NHERF2: variants seen among roughly 807,000 people sequenced by gnomAD.
NHERF2 encodes the protein Na(+)/H(+) exchange regulatory cofactor NHE-RF2.
chr16:2,036,050 G>A, the NHERF2 span: 14 of 469,780 alleles, frequency 3.0e-5, no homozygotes, highest in East Asian at 2.4e-4. Flanking sequence ...TGTGCGCCAC[G>A]CTGGCCTCGA....
At chr16:2,032,993 C>G in the NHERF2 span, 1 of 1,142,388 alleles carries the variant, frequency 8.8e-7, no homozygotes. The surrounding 1 kb of genome is among the most constrained non-coding windows in gnomAD (Gnocchi z 4.0). Context: ...CCGGGCTTCC[C>G]TGGCTCTTGC....
chr16:2,032,023 T>C, the NHERF2 span, among the ~76,000 whole-genome samples: 1 of 98,166 alleles, frequency 1.0e-5, no homozygotes, highest in East Asian at 2.1e-4. This position sits in a 1 kb window ranked among gnomAD's most constrained non-coding sequence, Gnocchi z 4.0. Flanking sequence ...TCTTTCTTTC[T>C]TTTTTTTTTT....
At chr16:2,029,804 G>C in the NHERF2 span, 2 of 1,536,858 alleles carry the variant, frequency 1.3e-6, no homozygotes, top group African/African-American at 2.7e-5. Flanking sequence ...TTGGCCCACA[G>C]GGACCACCCT....
At chr16:2,038,075 T>G in the NHERF2 span, 10 of 1,475,482 alleles carry the variant, frequency 6.8e-6, no homozygotes, top group African/African-American at 1.4e-5. Flanking sequence ...CTCAGTGGAC[T>G]GGAGGGTGGT....
the NHERF2 span, chr16:2,033,337 C>T: frequency 5.9e-6 from 9 of 1,533,142 alleles, no homozygotes; most frequent in Non-Finnish European, 7.0e-6. Context: ...CACTTGCTGT[C>T]ACTGTGCCGC....
At chr16:2,027,110 C>T in the NHERF2 span, 1 of 1,467,316 alleles carries the variant, frequency 6.8e-7, no homozygotes, top group Non-Finnish European at 9.0e-7. Flanking sequence ...GCGGGCAGTT[C>T]ATCCGGCGCG....
the NHERF2 span, among the ~76,000 whole-genome samples, chr16:2,029,144 A>T: frequency 5.9e-5 from 9 of 152,084 alleles, no homozygotes; most frequent in Non-Finnish European, 1.0e-4. Flanking sequence ...AGGGAGACAC[A>T]CCTCTCCTTC....
the NHERF2 span, among the ~76,000 whole-genome samples, chr16:2,031,251 C>T: frequency 8.1e-4 from 124 of 152,306 alleles, no homozygotes; most frequent in African/African-American, 2.9e-3. Context: ...TGAGGGCGGG[C>T]CACAGTGGTG....
the NHERF2 span, chr16:2,038,090 C>A: frequency 7.2e-7 from 1 of 1,395,578 alleles, no homozygotes; most frequent in Non-Finnish European, 9.8e-7. Flanking sequence ...GGTGGTCCTG[C>A]CATTGCCCAG....
At chr16:2,031,664 CA>C in the NHERF2 span, among the ~76,000 whole-genome samples, 1 of 152,120 alleles carries the variant, frequency 6.6e-6, no homozygotes. Flanking sequence ...TGGCTGGGGA[CA>C]GGGGCTCCAG....
chr16:2,036,848 C>T, the NHERF2 span: 2 of 1,612,330 alleles, frequency 1.2e-6, no homozygotes, highest in Admixed American at 3.3e-5. Context: ...CTTCAAGCGG[C>T]TTCGGGTCAC....
the NHERF2 span, among the ~76,000 whole-genome samples, chr16:2,027,431 A>G: frequency 1.3e-5 from 2 of 152,144 alleles, no homozygotes; most frequent in African/African-American, 4.8e-5. Flanking sequence ...AGGGGCCCGC[A>G]CTGCGGCTCC....
At chr16:2,035,268 C>T in the NHERF2 span, 50 of 370,912 alleles carry the variant, frequency 1.3e-4, no homozygotes, top group East Asian at 3.3e-4. Flanking sequence ...CTGACATGGC[C>T]GTTTCTGGTC....
At chr16:2,036,279 C>T in the NHERF2 span, 27 of 1,540,728 alleles carry the variant, frequency 1.8e-5, no homozygotes, top group African/African-American at 1.2e-4. Flanking sequence ...CCTCTGGAGG[C>T]GGGAGGCTGG....
the NHERF2 span, chr16:2,027,073 T>G: frequency 4.8e-6 from 7 of 1,447,776 alleles, no homozygotes; most frequent in Non-Finnish European, 6.4e-6. Flanking sequence ...GGCTACGGCT[T>G]CCACCTGCAC....
At chr16:2,032,921 TGAGGGGTGAC>T in the NHERF2 span, 1 of 1,071,770 alleles carries the variant, frequency 9.3e-7, no homozygotes, top group Admixed American at 5.0e-5. The surrounding 1 kb of genome is among the most constrained non-coding windows in gnomAD (Gnocchi z 4.0). Context: ...AGAGCAGGTG[TGAGGGGTGAC>T]AGTTCTGCGG....
At chr16:2,027,263 C>A in the NHERF2 span, 1 of 1,193,266 alleles carries the variant, frequency 8.4e-7, no homozygotes, top group South Asian at 2.7e-5. Flanking sequence ...CCTCCCCGAG[C>A]GCGTCCCCCT....
At chr16:2,037,861 G>A in the NHERF2 span, 3 of 1,601,140 alleles carry the variant, frequency 1.9e-6, no homozygotes, top group East Asian at 2.3e-5. Context: ...CCTTCCAGGA[G>A]AGCGGCCTCC....
chr16:2,031,482 G>A, the NHERF2 span, among the ~76,000 whole-genome samples: 2 of 152,194 alleles, frequency 1.3e-5, no homozygotes, highest in African/African-American at 4.8e-5. Context: ...TCCGGCCCTC[G>A]GACTTTATCT....
Sources: gnomAD v4.1 joint callset for allele counts (sites outside exome capture counted in the v4.1 genomes callset) on GRCh38, gnomAD v4.1.1 for gene constraint, Gnocchi (gnomAD v3.1) non-coding constraint, MANE v1.5 for transcripts, NCBI Gene and HGNC (gene_info 2026-07-23, HGNC 2026-07-21) for gene names.